CSPP1: variants seen among roughly 807,000 people sequenced by gnomAD.
CSPP1 encodes the protein centrosome and spindle pole associated protein 1, also known as centrosome and spindle pole-associated protein 1.
Under a neutral mutation model 164.4 loss-of-function variants are expected in CSPP1, and 126 were observed. The ratio of observed to expected loss-of-function variants is 0.77; its 90% CI spans 0.66 to 0.89. CSPP1 has a LOEUF of 0.89. Ranked by LOEUF, CSPP1 falls within the 40% of genes least tolerant of loss-of-function variation. CSPP1 has a pLI of 0.00. For synonymous variants in CSPP1, 472 were observed against 476.7 expected, an observed-to-expected ratio of 0.99 and a Z score of 0.13; for missense variants, 1,395 against 1,449.8, an observed-to-expected ratio of 0.96 and a Z score of 0.61.
In CSPP1 at chr8:67,064,433, CTT is replaced by C. The variant is rs781527462; in HGVS notation, c.-115_-114del. 2 of 1,613,982 alleles carry C rather than the reference CTT, an allele frequency of 1.2e-6. No homozygotes were observed. The highest frequency in any genetic ancestry group is 8.5e-7 in the Non-Finnish European group (1 of 1,179,916). On this transcript the variant is annotated 5_prime_UTR_variant, in exon 1 of 31. The change creates a premature stop within an existing upstream ORF in the 5' untranslated region. Coordinates refer to ENST00000678616, the MANE Select transcript of CSPP1 (RefSeq NM_001382391.1). ...CCGCTCCAGGTGGCCGCTGTAACCT[CTT>C]CGGTCCGCGACGATCCTCTAGAGCA...
intron 1 of CSPP1, among the ~76,000 whole-genome samples, chr8:67,069,771 G>A (rs1304134671): frequency 6.6e-6 from 1 of 150,390 alleles, no homozygotes; most frequent in African/African-American, 2.4e-5. Flanking sequence ...CGATTCTCCT[G>A]CCTCAGTGTC....
intron 8 of CSPP1, among the ~76,000 whole-genome samples, chr8:67,103,418 T>C (rs942448896): frequency 6.6e-6 from 1 of 152,088 alleles, no homozygotes; most frequent in African/African-American, 2.4e-5. Flanking sequence ...TTTGAAATAA[T>C]AAAAGAAATA....
chr8:67,084,022 G>T (rs1037774292), intron 3 of CSPP1: 6 of 152,064 alleles, frequency 3.9e-5, no homozygotes, highest in African/African-American at 1.5e-4. Context: ...ATTGAATAGC[G>T]CATGGGCCTT....
intron 17 of CSPP1, among the ~76,000 whole-genome samples, chr8:67,147,849 T>G (rs1295203363): frequency 6.6e-6 from 1 of 152,158 alleles, no homozygotes; most frequent in African/African-American, 2.4e-5. Context: ...GTCATCTCTT[T>G]TACTCCTGTG....
intron 7 of CSPP1, among the ~76,000 whole-genome samples, chr8:67,101,191 A>T (rs1814032377): frequency 6.6e-6 from 1 of 152,174 alleles, no homozygotes; most frequent in Non-Finnish European, 1.5e-5. Context: ...TTATTGTGGG[A>T]TGGTTACGTA....
At position 67,118,822 on chromosome 8, in the gene CSPP1, G is replaced by A; in HGVS notation, c.1697+1G>A. 6.3e-7 allele frequency: 1 copy of A among 1,599,936 alleles called. No homozygotes were observed. Among genetic ancestry groups the A allele is most frequent in the Non-Finnish European group, 8.6e-7 (1 of 1,167,512 alleles). On this transcript the variant is annotated splice_donor_variant, in intron 15 of 30. Transcript: ENST00000678616. LOFTEE classifies it high-confidence loss of function. ...CCCACCAACTAGCACAACCTGTTGTGTAAGTTATTAGTTAAAAGAATAATT... is the reference window on the plus strand; with the variant it reads ...CCCACCAACTAGCACAACCTGTTGTATAAGTTATTAGTTAAAAGAATAATT...
intron 19 of CSPP1, among the ~76,000 whole-genome samples, chr8:67,157,064 AT>A (rs540407574): frequency 1.3e-5 from 2 of 151,542 alleles, no homozygotes; most frequent in East Asian, 1.9e-4. Flanking sequence ...TGTGAATGTG[AT>A]TTTTTTTTCC....
In CSPP1 at chr8:67,122,649, C is replaced by A. The variant is rs1819194515; in HGVS notation, c.1697+3828C>A. Among the ~76,000 whole-genome samples, 4 of 152,184 alleles carry A rather than the reference C, an allele frequency of 2.6e-5. No individual in the cohort carries two copies. The South Asian group carries it at 6.2e-4, about 24-fold the overall frequency. ...AATTTATTGAGGCTTATTTTAAGAC[C>A]TAACATGGTCTGTCCTAGAGAATGT... On this transcript the variant is annotated intron_variant, in intron 15 of 30. Coordinates refer to ENST00000678616, the MANE Select transcript of CSPP1 (RefSeq NM_001382391.1).
chr8:67,078,307 A>T (rs1261996236), intron 3 of CSPP1, among the ~76,000 whole-genome samples: 2 of 152,072 alleles, frequency 1.3e-5, no homozygotes, highest in Non-Finnish European at 2.9e-5. Flanking sequence ...CTGGCACGTA[A>T]TTGGTACACA....
chr8:67,167,897 C>T (rs1829751474), intron 24 of CSPP1, among the ~76,000 whole-genome samples: 1 of 152,160 alleles, frequency 6.6e-6, no homozygotes, highest in African/African-American at 2.4e-5. Context: ...GACGGGGTGG[C>T]GGCCGGGCAG....
At chr8:67,163,295 G>A (rs1828720740) in intron 22 of CSPP1, among the ~76,000 whole-genome samples, 1 of 152,192 alleles carries the variant, frequency 6.6e-6, no homozygotes, top group Admixed American at 6.5e-5. Context: ...GCTGTGAAGG[G>A]AAGGACAGAA....
At chr8:67,139,658 C>T (rs938779479) in intron 17 of CSPP1, among the ~76,000 whole-genome samples, 1 of 152,184 alleles carries the variant, frequency 6.6e-6, no homozygotes, top group Non-Finnish European at 1.5e-5. Context: ...GAATACTATG[C>T]AGCCATAAAA....
intron 28 of CSPP1, among the ~76,000 whole-genome samples, chr8:67,184,779 G>T (rs1385430321): frequency 1.5e-5 from 2 of 136,652 alleles, no homozygotes; most frequent in Middle Eastern, 3.5e-3. Flanking sequence ...AAGGTTGGGG[G>T]GCATATCACT....
At chr8:67,143,380 GTAA>G (rs1388755310) in intron 17 of CSPP1, among the ~76,000 whole-genome samples, 1 of 151,404 alleles carries the variant, frequency 6.6e-6, no homozygotes, top group Non-Finnish European at 1.5e-5. Context: ...TAGTAATGTA[GTAA>G]TATTATTATT....
intron 28 of CSPP1, among the ~76,000 whole-genome samples, chr8:67,183,205 T>C (rs190464679): frequency 7.6e-4 from 116 of 152,302 alleles, no homozygotes; most frequent in Non-Finnish European, 1.2e-3. Flanking sequence ...ACTGTTACAG[T>C]TGGAGATTTT....
intron 16 of CSPP1, among the ~76,000 whole-genome samples, chr8:67,133,316 A>G (rs1821611407): frequency 6.6e-6 from 1 of 152,182 alleles, no homozygotes; most frequent in African/African-American, 2.4e-5. Flanking sequence ...ATAAGAATGC[A>G]TTTGTTTTTT....
intron 16 of CSPP1, chr8:67,135,259 C>T (rs552048900): frequency 1.3e-5 from 2 of 152,364 alleles, no homozygotes; most frequent in South Asian, 2.1e-4. Flanking sequence ...CAACCTCCAC[C>T]TCAGCCTCCC....
Position 67,158,545 on chromosome 8 carries a change from TCAG to T in CSPP1, c.2344_2346del (p.Gln782del). 6.2e-7 allele frequency: 1 copy of T among 1,611,946 alleles called. No homozygotes were observed. The highest frequency in any genetic ancestry group is 8.5e-7 in the Non-Finnish European group (1 of 1,178,686). On this transcript the variant is annotated inframe_deletion, in exon 20 of 31. Coordinates refer to ENST00000678616, the MANE Select transcript of CSPP1 (RefSeq NM_001382391.1). Reference sequence around the variant, plus strand: ...GGCTTGCAGAACAGAGGGCACGAATTCAGCAGGAGTATGAAGAGGAACAGGAAA... The same window carrying T: ...GGCTTGCAGAACAGAGGGCACGAATTCAGGAGTATGAAGAGGAACAGGAAA...
intron 28 of CSPP1, among the ~76,000 whole-genome samples, chr8:67,186,992 T>C (rs1336294611): frequency 6.6e-6 from 1 of 151,638 alleles, no homozygotes; most frequent in Non-Finnish European, 1.5e-5. Context: ...TATCTATCTA[T>C]CTATCTATCT....
Sources: gnomAD v4.1 joint callset for allele counts (sites outside exome capture counted in the v4.1 genomes callset) on GRCh38, gnomAD v4.1.1 for gene constraint, MANE v1.5 for transcripts, NCBI Gene and HGNC (gene_info 2026-07-23, HGNC 2026-07-21) for gene names.